Variants in WDPCP observed in about 807,000 individuals in gnomAD.
The protein encoded by WDPCP is WD repeat-containing and planar cell polarity effector protein fritz homolog.
In WDPCP, 71 loss-of-function variants were observed where a neutral mutation model predicts 93.1. That is an observed-to-expected ratio of 0.76 (90% CI 0.63 to 0.93). The LOEUF (loss-of-function observed/expected upper bound fraction) is 0.93, where lower values mean the gene tolerates loss of function less well. Among genes scored for constraint, WDPCP ranks in the 40% least tolerant of loss-of-function variants. The probability of loss-of-function intolerance (pLI) is 0.00; values close to 1 mark genes in which losing one functional copy is unlikely to be tolerated. For synonymous variants in WDPCP, 315 were observed against 315.0 expected, an observed-to-expected ratio of 1.00 and a Z score of 0.00; for missense variants, 844 against 887.4, an observed-to-expected ratio of 0.95 and a Z score of 0.62.
intron 2 of WDPCP, among the ~76,000 whole-genome samples, chr2:63,806,856 G>A (rs1457237417): frequency 6.6e-6 from 1 of 152,172 alleles, no homozygotes; most frequent in Non-Finnish European, 1.5e-5. Context: ...AACAATTGCT[G>A]TTATCCTATT....
At chr2:63,383,026 C>A (rs567822213) in intron 10 of WDPCP, among the ~76,000 whole-genome samples, 120 of 152,168 alleles carry the variant, frequency 7.9e-4, no homozygotes, top group Non-Finnish European at 1.5e-3. Flanking sequence ...TTGACTCCAC[C>A]TATACCCTAT....
intron 1 of WDPCP, among the ~76,000 whole-genome samples, chr2:63,822,237 C>T (rs1671036001): frequency 6.6e-6 from 1 of 151,924 alleles, no homozygotes; most frequent in Non-Finnish European, 1.5e-5. Context: ...CTGGAAATAG[C>T]AATAGACGGC....
chr2:63,328,580 C>T (rs762558449), intron 12 of WDPCP, among the ~76,000 whole-genome samples: 3 of 152,190 alleles, frequency 2.0e-5, no homozygotes, highest in Non-Finnish European at 4.4e-5. Context: ...GACACACCAT[C>T]TTTAAGAACT....
At chr2:63,599,515 T>C in intron 3 of WDPCP, 1 of 335,784 alleles carries the variant, frequency 3.0e-6, no homozygotes, top group Non-Finnish European at 5.4e-6. Context: ...TGATTTCGTC[T>C]TTAACTATAT....
chr2:63,177,572 T>C (rs1009792769), intron 14 of WDPCP, among the ~76,000 whole-genome samples: 6 of 152,198 alleles, frequency 3.9e-5, no homozygotes, highest in African/African-American at 7.2e-5. Context: ...AATTTTTGTA[T>C]GTTGACTTGT....
intron 13 of WDPCP, 78 bp from the exon 14 acceptor site, chr2:63,259,487 T>A (rs1681432508): frequency 1.8e-6 from 2 of 1,117,956 alleles, no homozygotes; most frequent in South Asian, 2.5e-5. Context: ...TGAAGGAAAC[T>A]TATTGTCCAG....
chr2:63,399,531 T>C (rs1438646179), intron 10 of WDPCP, among the ~76,000 whole-genome samples: 1 of 137,330 alleles, frequency 7.3e-6, no homozygotes, highest in Non-Finnish European at 1.5e-5. Flanking sequence ...GCAGAAAGCC[T>C]TCTGTTTGAC....
chr2:63,480,100 A>C (rs1281658688), intron 6 of WDPCP, among the ~76,000 whole-genome samples: 1 of 152,162 alleles, frequency 6.6e-6, no homozygotes, highest in Non-Finnish European at 1.5e-5. Context: ...ACAGCTACCA[A>C]GCTGAGAATA....
chr2:63,440,020 C>T (rs1202108699), intron 6 of WDPCP, 149 bp from the exon 7 acceptor site: 7 of 624,996 alleles, frequency 1.1e-5, no homozygotes, highest in Middle Eastern at 4.0e-4. Flanking sequence ...CACTGAAAAA[C>T]AATTACTGAC....
intron 2 of WDPCP, among the ~76,000 whole-genome samples, chr2:63,789,839 G>A (rs1434155077): frequency 2.6e-5 from 4 of 152,122 alleles, no homozygotes; most frequent in Non-Finnish European, 5.9e-5. Flanking sequence ...TGTATAATGC[G>A]AAACATATGT....
intron 1 of WDPCP, among the ~76,000 whole-genome samples, chr2:63,825,378 T>A (rs1433401242): frequency 6.6e-6 from 1 of 152,130 alleles, no homozygotes; most frequent in Non-Finnish European, 1.5e-5. Context: ...ATATAGGCTT[T>A]TTGTTGTTGC....
chr2:63,248,530 T>C (rs1477360105), intron 14 of WDPCP, among the ~76,000 whole-genome samples: 1 of 152,184 alleles, frequency 6.6e-6, no homozygotes, highest in Non-Finnish European at 1.5e-5. Flanking sequence ...CCTTTCTCTG[T>C]TCAATGAGCA....
chr2:63,380,567 T>C (rs897945282), intron 11 of WDPCP, among the ~76,000 whole-genome samples: 8 of 151,760 alleles, frequency 5.3e-5, no homozygotes, highest in African/African-American at 1.5e-4. Context: ...CTACTAAAAA[T>C]AGAAAAATTA....
chr2:63,583,832 T>C (rs1708659619), intron 1 of WDPCP, among the ~76,000 whole-genome samples: 1 of 151,670 alleles, frequency 6.6e-6, no homozygotes, highest in Non-Finnish European at 1.5e-5. Flanking sequence ...AGGATACATA[T>C]GAGTGGTCAG....
chr2:63,606,136 CTT>C, intron 3 of WDPCP: 4 of 1,077,278 alleles, frequency 3.7e-6, no homozygotes, highest in Non-Finnish European at 5.7e-6. Context: ...AATCCCAACA[CTT>C]TGGAAGGGCA....
intron 2 of WDPCP, among the ~76,000 whole-genome samples, chr2:63,785,994 T>C (rs1472415295): frequency 6.6e-6 from 1 of 152,182 alleles, no homozygotes; most frequent in African/African-American, 2.4e-5. Context: ...TTATGTGTTT[T>C]CCACAGATAA....
At chr2:63,182,122 A>G (rs1674292038) in intron 14 of WDPCP, among the ~76,000 whole-genome samples, 1 of 152,006 alleles carries the variant, frequency 6.6e-6, no homozygotes, top group Non-Finnish European at 1.5e-5. Flanking sequence ...CATCTTTTCC[A>G]AATTTGGATG....
intron 2 of WDPCP, among the ~76,000 whole-genome samples, chr2:63,744,296 C>T (rs1669763546): frequency 6.6e-6 from 1 of 152,112 alleles, no homozygotes; most frequent in Non-Finnish European, 1.5e-5. Context: ...CAGCCCTCTC[C>T]TCTTGCTCAC....
chr2:63,132,336 A>T (rs1213467757), intron 17 of WDPCP, among the ~76,000 whole-genome samples: 1 of 151,582 alleles, frequency 6.6e-6, no homozygotes, highest in African/African-American at 2.4e-5. Context: ...TGGGTTTATT[A>T]TACTTAGAAT....
Sources: gnomAD v4.1 joint callset for allele counts (sites outside exome capture counted in the v4.1 genomes callset) on GRCh38, gnomAD v4.1.1 for gene constraint, MANE v1.5 for transcripts, NCBI Gene and HGNC (gene_info 2026-07-23, HGNC 2026-07-21) for gene names.